FCHO1: variants seen among roughly 807,000 people sequenced by gnomAD.
FCHO1 encodes F-BAR domain only protein 1.
Under a neutral mutation model 114.4 loss-of-function variants are expected in FCHO1, and 45 were observed. That is an observed-to-expected ratio of 0.39 (90% CI 0.31 to 0.50). The LOEUF (loss-of-function observed/expected upper bound fraction) is 0.50. FCHO1 is among the 20% of genes least tolerant of loss of function. The pLI is 0.77. For synonymous variants in FCHO1, 480 were observed against 488.9 expected (o/e 0.98, Z 0.24); for missense variants, 1,042 against 1,209.6 (o/e 0.86, Z 2.06).
At chr19:17,773,035 T>C (rs1332092767) in intron 11 of FCHO1, among the ~76,000 whole-genome samples, 1 of 152,194 alleles carries the variant, frequency 6.6e-6, no homozygotes, top group Non-Finnish European at 1.5e-5. Context: ...TATGTGTAAA[T>C]GTCTTTGAAC....
At chr19:17,767,644 A>C (rs948717180) in intron 7 of FCHO1, among the ~76,000 whole-genome samples, 4 of 152,096 alleles carry the variant, frequency 2.6e-5, no homozygotes, top group Non-Finnish European at 5.9e-5. Flanking sequence ...AAAAAAATCT[A>C]AAGAAAAATA....
chr19:17,750,209 G>A (rs4368273), upstream of FCHO1, among the ~76,000 whole-genome samples: 1,491 of 152,180 alleles, frequency 9.8e-3, 31 homozygotes, highest in African/African-American at 0.034. Flanking sequence ...GCAAGTCTCC[G>A]GCCATCTCTG....
intron 27 of FCHO1, 128 bp downstream of exon 27, chr19:17,786,757 A>AAAAGCTGGAGGAG (rs1344540421): frequency 1.9e-6 from 2 of 1,038,306 alleles, no homozygotes; most frequent in African/African-American, 3.2e-5. Context: ...GGAAGTCTTT[A>AAAAGCTGGAGGAG]AAAGCTGGAG....
At position 17,777,854 on chromosome 19, in the gene FCHO1, C is replaced by A. The variant is rs142200475; in HGVS notation, c.1260-283C>A. On this transcript the variant is annotated intron_variant, in intron 18 of 28. Coordinates refer to ENST00000596536, the MANE Select transcript of FCHO1 (RefSeq NM_015122.3). The stretch of plus-strand genomic sequence containing the variant: ...AGGAGTTTGGGATCAGGCTGGCCAG[C>A]ATGGTAAAACCCCGTCTCTGCTAAA... Among the ~76,000 whole-genome samples the A allele has an allele frequency of 4.6e-3, 704 of 152,134 alleles. 5 individuals carry two copies. The highest frequency in any genetic ancestry group is 0.014 in the Middle Eastern group (4 of 294).
At chr19:17,755,040 C>G (rs537967539) in intron 3 of FCHO1, 78 bp from the exon 4 acceptor site, 3 of 879,146 alleles carry the variant, frequency 3.4e-6, no homozygotes, top group Non-Finnish European at 5.8e-6. Context: ...TCTCTCCTTC[C>G]TCTACAGGGA....
chr19:17,755,545 C>G (rs1271483172), intron 4 of FCHO1: 11 of 202,596 alleles, frequency 5.4e-5, no homozygotes, highest in South Asian at 3.4e-4. Flanking sequence ...GAACTTCCAC[C>G]CCCTTCCCAT....
At chr19:17,772,403 C>A in intron 9 of FCHO1, 54 bp from the exon 10 acceptor site, 1 of 1,352,786 alleles carries the variant, frequency 7.4e-7, no homozygotes, top group Non-Finnish European at 1.1e-6. Context: ...GTCATATGGC[C>A]ACTTCTTCTT....
In FCHO1 at chr19:17,788,359, C is replaced by T; in HGVS notation, c.*53C>T. On this transcript the variant is annotated 3_prime_UTR_variant, in exon 29 of 29. Transcript: ENST00000596536. ...ACACTGCGCCCTGGTGCTGGCTGACCACCCCCTGCCCTCCTGCCGGACCCT... is the reference window on the plus strand; with the variant it reads ...ACACTGCGCCCTGGTGCTGGCTGACTACCCCCTGCCCTCCTGCCGGACCCT... 1 of 1,454,028 alleles carries T rather than the reference C, an allele frequency of 6.9e-7. No individual in the cohort carries two copies. The allele number at this position is 1,454,028 out of a possible 1,614,324, so 90.1% of individuals were successfully genotyped here. A position where few individuals can be genotyped will look rare whatever the true frequency, so the allele number is the denominator to read the frequency against.
At chr19:17,780,647 T>C (rs1455378183) in intron 20 of FCHO1, among the ~76,000 whole-genome samples, 1 of 150,194 alleles carries the variant, frequency 6.7e-6, no homozygotes, top group Non-Finnish European at 1.5e-5. Flanking sequence ...CCGAGAATGG[T>C]CCAGCCCCCA....
At chr19:17,781,663 ATTCACACTGTCTATCCG>A in intron 22 of FCHO1, 32 bp from the exon 23 acceptor site, 1 of 1,551,430 alleles carries the variant, frequency 6.4e-7, no homozygotes. Context: ...TGGAGCCTAT[ATTCACACTGTCTATCCG>A]TTGTTCCCCA....
chr19:17,774,596 AC>A, intron 13 of FCHO1, 118 bp downstream of exon 13: 1 of 785,178 alleles, frequency 1.3e-6, no homozygotes, highest in Non-Finnish European at 2.0e-6. Context: ...TCCAGGCTGG[AC>A]CAGGATTCCC....
Position 17,764,369 on chromosome 19 carries a change from C to T in FCHO1, c.120-6C>T, listed in dbSNP as rs200398288. ...TTCTCCATCTTTACCTCATTCTCCTCCCCAGGGCCACCATCGAGGAGACCT... is the reference window on the plus strand; with the variant it reads ...TTCTCCATCTTTACCTCATTCTCCTTCCCAGGGCCACCATCGAGGAGACCT... On this transcript the variant is annotated splice_region_variant and splice_polypyrimidine_tract_variant and intron_variant, in intron 5 of 28. Coordinates refer to ENST00000596536, the MANE Select transcript of FCHO1 (RefSeq NM_015122.3). 41 of 1,613,552 alleles carry T rather than the reference C, an allele frequency of 2.5e-5. No homozygotes were observed. Among genetic ancestry groups the T allele is most frequent in the Non-Finnish European group, 3.3e-5 (39 of 1,179,874 alleles).
chr19:17,787,626 T>C (rs1411139524), intron 27 of FCHO1, 56 bp from the exon 28 acceptor site: 2 of 1,501,512 alleles, frequency 1.3e-6, no homozygotes, highest in African/African-American at 2.8e-5. Context: ...ATGAGCCTGG[T>C]TCACAGCTGG....
At chr19:17,785,348 ATAGCTGGGAT>A (rs1415290049) in intron 26 of FCHO1, among the ~76,000 whole-genome samples, 5 of 152,016 alleles carry the variant, frequency 3.3e-5, no homozygotes, top group Non-Finnish European at 7.4e-5. Flanking sequence ...AGCCTCCCGG[ATAGCTGGGAT>A]TACAGGTGCC....
chr19:17,773,709 G>A (rs1452717175), intron 11 of FCHO1, among the ~76,000 whole-genome samples: 4 of 152,068 alleles, frequency 2.6e-5, no homozygotes, highest in Non-Finnish European at 5.9e-5. Context: ...CACCCCCTGC[G>A]GTGGCACTGC....
At chr19:17,758,383 C>T (rs2084639902) in intron 4 of FCHO1, among the ~76,000 whole-genome samples, 4 of 152,096 alleles carry the variant, frequency 2.6e-5, no homozygotes, top group East Asian at 1.9e-4. Flanking sequence ...GAGCTGATGG[C>T]GGGAATAGCC....
Position 17,781,669 on chromosome 19 carries a change from A to G in FCHO1, c.1829-43A>G, listed in dbSNP as rs2042299. On this transcript the variant is annotated intron_variant, in intron 22 of 28. Coordinates refer to ENST00000596536, the MANE Select transcript of FCHO1 (RefSeq NM_015122.3). ...TCTCGAGCCTGGAGCCTATATTCAC[A>G]CTGTCTATCCGTTGTTCCCCATTCC... 0.92 allele frequency: 1,428,005 copies of G among 1,544,228 alleles called. 661,853 individuals are homozygous for G. The highest frequency in any genetic ancestry group is 0.94 in the Non-Finnish European group (1,054,533 of 1,123,042).
intron 26 of FCHO1, among the ~76,000 whole-genome samples, chr19:17,786,343 AC>A (rs1360002859): frequency 1.7e-5 from 2 of 116,446 alleles, no homozygotes; most frequent in African/African-American, 1.1e-4. Flanking sequence ...AAAAAAACAC[AC>A]AAAAAAACAC....
At position 17,784,594 on chromosome 19, in the gene FCHO1, C is replaced by A; in HGVS notation, c.2227-131C>A. 2.3e-6 allele frequency: 2 copies of A among 881,020 alleles called. No individual in the cohort carries two copies. The highest frequency in any genetic ancestry group is 1.4e-5 in the South Asian group (1 of 70,708). The allele number at this position is 881,020 out of a possible 1,614,324, so 54.6% of individuals were successfully genotyped here. On this transcript the variant is annotated intron_variant, in intron 25 of 28. Transcript: ENST00000596536. This position sits in a 1 kb window ranked among gnomAD's most constrained non-coding sequence, Gnocchi z 5.3. ...TGGTGTAATACAGCCTCTCATCCAT[C>A]AAATCTCCCTGTGACTGGACCCCCT...
Sources: gnomAD v4.1 joint callset for allele counts (sites outside exome capture counted in the v4.1 genomes callset) on GRCh38, gnomAD v4.1.1 for gene constraint, Gnocchi (gnomAD v3.1) non-coding constraint, MANE v1.5 for transcripts, NCBI Gene and HGNC (gene_info 2026-07-23, HGNC 2026-07-21) for gene names.